The following HSD17B11 variants were observed in gnomAD, a reference collection of about 807,000 sequenced individuals.
HSD17B11 encodes estradiol 17-beta-dehydrogenase 11.
A neutral mutation model predicts 27.8 loss-of-function variants in HSD17B11; 22 were observed. That is an observed-to-expected ratio of 0.79 (90% CI 0.56 to 1.13). The LOEUF is 1.13. Among genes scored for constraint, HSD17B11 ranks in the 50% most tolerant of loss-of-function variants. HSD17B11 has a pLI of 0.00. For synonymous variants in HSD17B11, 117 were observed against 132.8 expected, an observed-to-expected ratio of 0.88 and a Z score of 0.82; for missense variants, 314 against 351.1, an observed-to-expected ratio of 0.89 and a Z score of 0.84.
At chr4:87,359,819 G>A (rs1331036328) in intron 4 of HSD17B11, among the ~76,000 whole-genome samples, 1 of 152,272 alleles carries the variant, frequency 6.6e-6, no homozygotes, top group East Asian at 1.9e-4. Context: ...CGTGTGGGTA[G>A]TAAACCAGGT....
intron 2 of HSD17B11, among the ~76,000 whole-genome samples, chr4:87,376,535 AC>A (rs1256512838): frequency 6.9e-6 from 1 of 145,628 alleles, no homozygotes; most frequent in Non-Finnish European, 1.5e-5. Context: ...CAAAAAACAA[AC>A]AAAAAACCCC....
intron 4 of HSD17B11, among the ~76,000 whole-genome samples, chr4:87,370,659 C>T (rs1735690806): frequency 2.0e-5 from 3 of 151,122 alleles, no homozygotes; most frequent in East Asian, 3.9e-4. Flanking sequence ...CCTCGTGATC[C>T]GCTTGCCTCG....
At chr4:87,367,010 C>G (rs1735623159) in intron 4 of HSD17B11, among the ~76,000 whole-genome samples, 1 of 152,020 alleles carries the variant, frequency 6.6e-6, no homozygotes, top group African/African-American at 2.4e-5. Context: ...CAGCTTGCAG[C>G]AATTAAGTAA....
At chr4:87,372,836 A>G (rs1187698790) in intron 3 of HSD17B11, 21 bp from the exon 4 acceptor site, 1 of 1,439,232 alleles carries the variant, frequency 6.9e-7, no homozygotes, top group Non-Finnish European at 9.6e-7. Context: ...TTTTTATTAA[A>G]AGAGAAAAAA....
chr4:87,363,992 T>C (rs1419063584), intron 4 of HSD17B11, among the ~76,000 whole-genome samples: 1 of 152,230 alleles, frequency 6.6e-6, no homozygotes, highest in Non-Finnish European at 1.5e-5. Flanking sequence ...AAAGGATTTC[T>C]TCTTTAAAGA....
chr4:87,360,428 G>T (rs1052864802), intron 4 of HSD17B11, among the ~76,000 whole-genome samples: 1 of 152,186 alleles, frequency 6.6e-6, no homozygotes, highest in African/African-American at 2.4e-5. Context: ...ATAGTCCCTG[G>T]AGTGCAGTTC....
At chr4:87,343,535 A>G (rs1735211157) in intron 5 of HSD17B11, among the ~76,000 whole-genome samples, 1 of 147,724 alleles carries the variant, frequency 6.8e-6, no homozygotes, top group South Asian at 2.1e-4. Context: ...TTTTGGGGAA[A>G]ACATTTCAAC....
chr4:87,344,139 C>T (rs1208444399), intron 5 of HSD17B11, among the ~76,000 whole-genome samples: 2 of 152,164 alleles, frequency 1.3e-5, no homozygotes, highest in Non-Finnish European at 2.9e-5. Context: ...TACAGTTACA[C>T]TAGACAAATG....
chr4:87,370,668 C>T (rs1188300191), intron 4 of HSD17B11, among the ~76,000 whole-genome samples: 7 of 150,564 alleles, frequency 4.6e-5, no homozygotes, highest in Non-Finnish European at 5.9e-5. Context: ...CCGCTTGCCT[C>T]GGCCTCCCAA....
chr4:87,388,388 C>T (rs1720373403), intron 1 of HSD17B11, among the ~76,000 whole-genome samples: 1 of 152,198 alleles, frequency 6.6e-6, no homozygotes, highest in South Asian at 2.1e-4. Context: ...AGGCTAGGGG[C>T]TACTACCTAC....
At chr4:87,374,929 T>C in intron 2 of HSD17B11, 99 bp from the exon 3 acceptor site, 1 of 890,198 alleles carries the variant, frequency 1.1e-6, no homozygotes, top group Non-Finnish European at 1.7e-6. Context: ...ATTCTTGCTC[T>C]GTTGCCCAGG....
At chr4:87,378,213 A>G (rs889039725) in intron 2 of HSD17B11, among the ~76,000 whole-genome samples, 1 of 152,222 alleles carries the variant, frequency 6.6e-6, no homozygotes, top group Admixed American at 6.5e-5. Context: ...GATCAACACC[A>G]TTTATACCTA....
intron 2 of HSD17B11, among the ~76,000 whole-genome samples, chr4:87,379,415 A>G (rs1720066594): frequency 6.7e-6 from 1 of 149,380 alleles, no homozygotes; most frequent in Non-Finnish European, 1.5e-5. Context: ...CTTAATGTCA[A>G]CAAGGTCATC....
chr4:87,381,152 A>C (rs916747170), intron 2 of HSD17B11, among the ~76,000 whole-genome samples: 1 of 142,626 alleles, frequency 7.0e-6, no homozygotes, highest in African/African-American at 2.6e-5. Context: ...ACGCCACTGC[A>C]CTCCAGCCTG....
intron 4 of HSD17B11, among the ~76,000 whole-genome samples, chr4:87,368,304 G>A (rs1232728424): frequency 6.6e-6 from 1 of 151,930 alleles, no homozygotes. Context: ...GTGACAGAGC[G>A]AGACTCCATC....
chr4:87,347,136 T>TTA (rs1735290350), intron 5 of HSD17B11, among the ~76,000 whole-genome samples: 1 of 84,894 alleles, frequency 1.2e-5, no homozygotes, highest in Non-Finnish European at 2.2e-5. Flanking sequence ...TTTTTTTTTT[T>TTA]ATTATACTCT....
chr4:87,355,798 G>T (rs1329876968), intron 5 of HSD17B11, among the ~76,000 whole-genome samples: 1 of 152,128 alleles, frequency 6.6e-6, no homozygotes, highest in Admixed American at 6.6e-5. Context: ...CAGATACTCG[G>T]GAGGCTGAGG....
intron 4 of HSD17B11, among the ~76,000 whole-genome samples, chr4:87,357,996 C>G (rs1175282476): frequency 1.0e-5 from 1 of 96,830 alleles, no homozygotes; most frequent in East Asian, 3.6e-4. Context: ...GAGTCTTGCT[C>G]TGTCACCCAG....
chr4:87,378,892 A>T (rs1225634614), intron 2 of HSD17B11, among the ~76,000 whole-genome samples: 1 of 11,910 alleles, frequency 8.4e-5, no homozygotes, highest in South Asian at 2.7e-3. Context: ...ATATATATAT[A>T]TAAATATATA....
Sources: allele counts gnomAD v4.1 joint callset (sites outside exome capture counted in the v4.1 genomes callset), GRCh38; gene constraint gnomAD v4.1.1; transcripts MANE v1.5; gene names NCBI Gene and HGNC (gene_info 2026-07-23, HGNC 2026-07-21).